The following CACNA1E variants were observed in gnomAD, a reference collection of about 807,000 sequenced individuals.
CACNA1E encodes voltage-dependent R-type calcium channel subunit alpha-1E.
CACNA1E carries 40 observed loss-of-function variants against 259.2 expected under a neutral mutation model. The ratio of observed to expected loss-of-function variants is 0.15; its 90% CI spans 0.12 to 0.20. CACNA1E has a LOEUF of 0.20. Among genes scored for constraint, CACNA1E ranks in the 10% least tolerant of loss-of-function variants. The pLI, the probability that CACNA1E is intolerant of heterozygous loss-of-function variation, is 1.00. For missense variants in CACNA1E, 1,874 were observed against 3,040.1 expected, an observed-to-expected ratio of 0.62 and a Z score of 9.02; for synonymous variants, 1,104 against 1,138.5, an observed-to-expected ratio of 0.97 and a Z score of 0.61.
At chr1:181,703,934 T>TTGCCGTGGACATAAGGTGGTGGAGTAG (rs1652534364) in intron 7 of CACNA1E, among the ~76,000 whole-genome samples, 1 of 148,778 alleles carries the variant, frequency 6.7e-6, no homozygotes, top group Non-Finnish European at 1.5e-5. Context: ...TAGCACTTCA[T>TTGCCGTGGACATAAGGTGGTGGAGTAG]GTAATGCCAT....
At chr1:181,476,787 C>T (rs961719967) in intron 2 of CACNA1E, among the ~76,000 whole-genome samples, 3 of 152,148 alleles carry the variant, frequency 2.0e-5, no homozygotes, top group Non-Finnish European at 2.9e-5. Context: ...GCCGGTTGTT[C>T]TCACCCTCTG....
At chr1:181,634,641 T>C (rs1657040038) in intron 6 of CACNA1E, among the ~76,000 whole-genome samples, 1 of 152,206 alleles carries the variant, frequency 6.6e-6, no homozygotes, top group African/African-American at 2.4e-5. Flanking sequence ...ATCTTGGCTT[T>C]ATTCGGGAGG....
chr1:181,641,134 A>G (rs114375790), intron 6 of CACNA1E, among the ~76,000 whole-genome samples: 1,681 of 152,324 alleles, frequency 0.011, 30 homozygotes, highest in African/African-American at 0.037. Flanking sequence ...CAGAGTACAC[A>G]CTCAAAAGTG....
In CACNA1E at chr1:181,423,791, A is replaced by G. The variant is rs114296299; in HGVS notation, c.434+10211A>G. Among the ~76,000 whole-genome samples the G allele has an allele frequency of 6.9e-3, 1,048 of 152,112 alleles. 12 individuals are homozygous for G. Among genetic ancestry groups the G allele is most frequent in the African/African-American group, 0.024 (986 of 41,460 alleles). On this transcript the variant is annotated intron_variant, in intron 2 of 11. Transcript: ENST00000524607. ...CATCAGACATCACTCGGGTTGTTAG[A>G]ATACAGGAATCTGTGGAACCACTAT...
chr1:181,506,173 G>T (rs1323632297), intron 1 of CACNA1E, among the ~76,000 whole-genome samples: 1 of 152,196 alleles, frequency 6.6e-6, no homozygotes, highest in Non-Finnish European at 1.5e-5. Flanking sequence ...TGGTCTTTGA[G>T]GCCGTGGCGA....
At chr1:181,455,337 C>A (rs574048965) in intron 2 of CACNA1E, among the ~76,000 whole-genome samples, 4 of 152,190 alleles carry the variant, frequency 2.6e-5, no homozygotes, top group African/African-American at 9.6e-5. Context: ...AGGACAAGGA[C>A]AAACACTGAT....
chr1:181,633,878 A>G (rs530254906), intron 6 of CACNA1E, among the ~76,000 whole-genome samples: 3 of 152,248 alleles, frequency 2.0e-5, no homozygotes, highest in African/African-American at 7.2e-5. Context: ...AAACTAAAGC[A>G]TGGAGAGGTT....
intron 19 of CACNA1E, 53 bp downstream of exon 19, chr1:181,731,284 C>T (rs1655451769): frequency 1.4e-6 from 2 of 1,410,354 alleles, no homozygotes; most frequent in African/African-American, 2.8e-5. Flanking sequence ...GGGCGTGGGA[C>T]AATGTGTCAT....
Position 181,800,271 on chromosome 1 carries a change from G to A in CACNA1E, c.*1437G>A, listed in dbSNP as rs1314569671. 1 of 152,658 alleles carries A rather than the reference G, an allele frequency of 6.6e-6. No homozygotes were observed. 9.5% of individuals were successfully genotyped at this position (152,658 alleles called of 1,614,324 possible). ...CCAGTGGGGCCTCATCATACAGGAT[G>A]ACAAGACTGGGGCCCTGTTCACCTT... On this transcript the variant is annotated 3_prime_UTR_variant, in exon 48 of 48. Transcript: ENST00000367573.
chr1:181,693,142 A>C (rs906707967), intron 7 of CACNA1E, among the ~76,000 whole-genome samples: 2 of 150,316 alleles, frequency 1.3e-5, no homozygotes, highest in African/African-American at 2.4e-5. Context: ...AAAAAAAAAA[A>C]AAAAAAAACA....
chr1:181,318,231 C>T (rs976744712), intron 1 of CACNA1E: 1 of 152,154 alleles, frequency 6.6e-6, no homozygotes, highest in Non-Finnish European at 1.5e-5. Context: ...CTGGCCCCCG[C>T]GCTTCTACGT....
At chr1:181,730,873 C>T (rs183999171) in intron 18 of CACNA1E, among the ~76,000 whole-genome samples, 13 of 152,306 alleles carry the variant, frequency 8.5e-5, no homozygotes, top group Non-Finnish European at 1.6e-4. Flanking sequence ...TGGAAGTTTG[C>T]GTGCCTGTGA....
intron 3 of CACNA1E, among the ~76,000 whole-genome samples, chr1:181,534,532 A>C (rs1668020966): frequency 1.3e-5 from 2 of 152,168 alleles, no homozygotes; most frequent in South Asian, 4.1e-4. Flanking sequence ...ATTTTGAAAT[A>C]AAGACTATGT....
intron 1 of CACNA1E, among the ~76,000 whole-genome samples, chr1:181,349,617 A>T (rs189556689): frequency 6.6e-6 from 1 of 152,142 alleles, no homozygotes; most frequent in Non-Finnish European, 1.5e-5. Context: ...GCAAAGCAAG[A>T]GGCGGGGCTG....
At chr1:181,602,873 C>T (rs923508867) in intron 6 of CACNA1E, among the ~76,000 whole-genome samples, 2 of 152,124 alleles carry the variant, frequency 1.3e-5, no homozygotes, top group Non-Finnish European at 2.9e-5. Flanking sequence ...TAAAAACAAC[C>T]ATTCATTGAG....
chr1:181,804,126 A>G lies in CACNA1E; in HGVS notation c.*5292A>G, dbSNP rs1662469111. 1 of 152,208 alleles carries G rather than the reference A, an allele frequency of 6.6e-6. No individual in the cohort carries two copies. The highest frequency in any genetic ancestry group is 2.1e-4 in the South Asian group (1 of 4,824). 9.4% of individuals were successfully genotyped at this position (152,208 alleles called of 1,614,324 possible). On this transcript the variant is annotated 3_prime_UTR_variant, in exon 48 of 48. Coordinates refer to ENST00000367573, the MANE Select transcript of CACNA1E (RefSeq NM_001205293.3). Reference sequence around the variant, plus strand: ...TGAAAGAGTTGAGTAGACCAAGTCAAAAGAGGTGTGGGGATTTATGTTTAT... The same window carrying G: ...TGAAAGAGTTGAGTAGACCAAGTCAGAAGAGGTGTGGGGATTTATGTTTAT...
intron 7 of CACNA1E, among the ~76,000 whole-genome samples, chr1:181,654,155 T>TA (rs10709240): frequency 3.3e-4 from 48 of 146,666 alleles, no homozygotes; most frequent in Middle Eastern, 3.6e-3. Flanking sequence ...GCCAATAAAT[T>TA]AAAAAAAAAA....
intron 7 of CACNA1E, among the ~76,000 whole-genome samples, chr1:181,696,467 A>C (rs780195173): frequency 5.3e-5 from 8 of 152,228 alleles, no homozygotes; most frequent in Non-Finnish European, 1.0e-4. Context: ...ATTTCACACA[A>C]ACAGAATTAT....
intron 7 of CACNA1E, among the ~76,000 whole-genome samples, chr1:181,703,204 A>C (rs931754624): frequency 6.6e-6 from 1 of 152,244 alleles, no homozygotes; most frequent in Non-Finnish European, 1.5e-5. Flanking sequence ...AAAGGCCTTG[A>C]TAATAGGTTA....
Sources: allele counts gnomAD v4.1 joint callset (sites outside exome capture counted in the v4.1 genomes callset), GRCh38; gene constraint gnomAD v4.1.1; transcripts MANE v1.5; gene names NCBI Gene and HGNC (gene_info 2026-07-23, HGNC 2026-07-21).